The following SLC27A4 variants were observed in gnomAD, a reference collection of about 807,000 sequenced individuals.
SLC27A4 encodes solute carrier family 27 member 4.
SLC27A4 carries 33 observed loss-of-function variants against 64.4 expected under a neutral mutation model. The observed-to-expected ratio is 0.51, with a 90% CI of 0.39 to 0.68. The LOEUF is 0.68. SLC27A4 is among the 30% of genes least tolerant of loss of function. The pLI, the probability that SLC27A4 is intolerant of heterozygous loss-of-function variation, is 0.00. For synonymous variants in SLC27A4, 377 were observed against 370.0 expected (o/e 1.02, Z -0.22); for missense variants, 824 against 883.5 (o/e 0.93, Z 0.85).
rs567257198 is a variant in SLC27A4 at position 128,353,743 on chromosome 9, CTTT to C, written c.1324+214_1324+216del. Among the ~76,000 whole-genome samples the C allele has an allele frequency of 7.1e-6, 1 of 140,942 alleles. No homozygotes were observed. Among genetic ancestry groups the C allele is most frequent in the East Asian group, 2.0e-4 (1 of 4,918 alleles). 92.5% of individuals were successfully genotyped at this position (140,942 alleles called of 152,430 possible). On this transcript the variant is annotated intron_variant, in intron 9 of 12. Transcript: ENST00000300456. This position sits in a 1 kb window ranked among gnomAD's most constrained non-coding sequence, Gnocchi z 4.9. ...CTGTACATCAGTCCATTCATTCATTCTTTTTTTTTTTTTTATTTGAGACGGAGT... is the reference window on the plus strand; with the variant it reads ...CTGTACATCAGTCCATTCATTCATTCTTTTTTTTTTTATTTGAGACGGAGT...
chr9:128,360,398 C>T lies in SLC27A4; in HGVS notation c.1839C>T (p.Asp613=). The T allele has an allele frequency of 6.2e-7, 1 of 1,614,180 alleles. No homozygotes were observed. Among genetic ancestry groups the T allele is most frequent in the Non-Finnish European group, 8.5e-7 (1 of 1,180,030 alleles). ...GCTTTGACCCGGCTATTGTGAAAGA[C>T]CCGCTGTTCTATCTAGATGCCCAGA... ...KEGFDPAIVK[D]PLFYLDAQKG... is the part of the protein sequence containing the mutation. The change falls in exon 13 of 13, where the codon GAC becomes GAT. Residue 613 remains aspartate (D), a synonymous_variant. Coordinates refer to ENST00000300456, the MANE Select transcript of SLC27A4 (RefSeq NM_005094.4).
Position 128,355,666 on chromosome 9 carries a change from CG to C in SLC27A4, c.1646del (p.Gly549GlufsTer63), listed in dbSNP as rs750320778. 6.2e-7 allele frequency: 1 copy of C among 1,611,502 alleles called. No homozygotes were observed. Among genetic ancestry groups the C allele is most frequent in the African/African-American group, 1.3e-5 (1 of 74,920 alleles). ...VEVPGTEGRA[G>X]MAAVASPTGN... Reference sequence around the variant, plus strand: ...CACCCCCAGGAACCGAGGGCCGGGCCGGAATGGCTGCTGTGGCCAGCCCCAC... The same window carrying C: ...CACCCCCAGGAACCGAGGGCCGGGCCGAATGGCTGCTGTGGCCAGCCCCAC... On this transcript the variant is annotated frameshift_variant, in exon 12 of 13. Coordinates refer to ENST00000300456, the MANE Select transcript of SLC27A4 (RefSeq NM_005094.4). LOFTEE classifies it high-confidence loss of function.
chr9:128,348,451 A>T, intron 3 of SLC27A4, 94 bp from the exon 4 acceptor site: 1 of 1,496,348 alleles, frequency 6.7e-7, no homozygotes, highest in Non-Finnish European at 9.2e-7. Context: ...CCCAGCCAGT[A>T]TCCTCAGCAA....
rs201550199 is a variant in SLC27A4, at chr9:128,355,389, C to G, written c.1463-9C>G. 16 of 1,613,524 alleles carry G rather than the reference C, an allele frequency of 9.9e-6. No individual in the cohort carries two copies. The East Asian group carries it at 2.9e-4, about 29-fold the overall frequency. On this transcript the variant is annotated splice_polypyrimidine_tract_variant and intron_variant, in intron 10 of 12. Coordinates refer to ENST00000300456, the MANE Select transcript of SLC27A4 (RefSeq NM_005094.4). ...AGGCCCAGCCCTGCCTCATCCGGCC[C>G]CTCCCTAGGTGATGTGCTGGTGATG...
rs1832754461 is a variant in SLC27A4 at position 128,352,671 on chromosome 9, A to G, written c.911A>G (p.His304Arg). 1 of 1,614,092 alleles carries G rather than the reference A, an allele frequency of 6.2e-7. No homozygotes were observed. The change falls in exon 7 of 13, where the codon CAT (histidine) becomes CGT (arginine). Residue 304 changes from histidine (H) to arginine (R), a missense_variant. By Grantham distance (29) the His-to-Arg change is conservative. Coordinates refer to ENST00000300456, the MANE Select transcript of SLC27A4 (RefSeq NM_005094.4). ...GTGGGAATCGGCCAGTGCCTGCTGC[A>G]TGGCATGACGGTGGTGATTCGGAAG... ...NIVGIGQCLL[H>R]GMTVVIRKKF...
chr9:128,343,702 A>G (rs1023620796), intron 2 of SLC27A4, among the ~76,000 whole-genome samples: 1 of 152,218 alleles, frequency 6.6e-6, no homozygotes, highest in African/African-American at 2.4e-5. Context: ...TCTAGAGCAG[A>G]GCCCCTACTC....
At position 128,340,583 on chromosome 9, in the gene SLC27A4, G is replaced by A. The variant is rs1832553267; in HGVS notation, c.-262G>A. The A allele has an allele frequency of 8.5e-6, 2 of 234,718 alleles. No individual in the cohort carries two copies. Among genetic ancestry groups the A allele is most frequent in the Non-Finnish European group, 1.6e-5 (2 of 122,946 alleles). The allele number at this position is 234,718 out of a possible 1,614,324, so 14.5% of individuals were successfully genotyped here. On this transcript the variant is annotated 5_prime_UTR_variant, in exon 1 of 13. Coordinates refer to ENST00000300456, the MANE Select transcript of SLC27A4 (RefSeq NM_005094.4). ...TCTGTGGCTTGCCGGCTTCGGGGAA[G>A]GTGCGGCAGGCGGTGCTGCGGCCTG... is the stretch of plus-strand genomic sequence containing the variant.
chr9:128,346,790 A>G (rs1832663942), intron 3 of SLC27A4, among the ~76,000 whole-genome samples: 2 of 151,460 alleles, frequency 1.3e-5, no homozygotes, highest in Non-Finnish European at 2.9e-5. Flanking sequence ...CTTTGAGATC[A>G]GGAGTTTGAG....
chr9:128,350,026 T>C (rs946343641), intron 4 of SLC27A4, among the ~76,000 whole-genome samples: 2 of 152,374 alleles, frequency 1.3e-5, no homozygotes, highest in Middle Eastern at 3.4e-3. Flanking sequence ...CTCATCTGAC[T>C]GTTCCACTGA....
Position 128,355,044 on chromosome 9 carries a change from C to T in SLC27A4, c.1325-9C>T. 6.2e-7 allele frequency: 1 copy of T among 1,609,658 alleles called. No individual in the cohort carries two copies. The highest frequency in any genetic ancestry group is 8.5e-7 in the Non-Finnish European group (1 of 1,178,338). On this transcript the variant is annotated splice_polypyrimidine_tract_variant and intron_variant, in intron 9 of 12. Transcript: ENST00000300456. ...TAGGGCAGATCTGACCCTGCCTTCC[C>T]CACCCCAGGTGAGCCGGGCCAGCTG...
rs1409817098 is a variant in SLC27A4, at chr9:128,353,928, A to T, written c.1324+387A>T. Among the ~76,000 whole-genome samples the T allele has an allele frequency of 6.7e-6, 1 of 149,928 alleles. No homozygotes were observed. The highest frequency in any genetic ancestry group is 1.9e-4 in the East Asian group (1 of 5,132). ...CCGGCTAATTTTTTGTATTTTTAGTAGAGACGGGGTTTCACCGTTTTAGCC... is the reference window on the plus strand; with the variant it reads ...CCGGCTAATTTTTTGTATTTTTAGTTGAGACGGGGTTTCACCGTTTTAGCC... On this transcript the variant is annotated intron_variant, in intron 9 of 12. Coordinates refer to ENST00000300456, the MANE Select transcript of SLC27A4 (RefSeq NM_005094.4). This position sits in a 1 kb window ranked among gnomAD's most constrained non-coding sequence, Gnocchi z 4.9.
intron 12 of SLC27A4, 134 bp from the exon 13 acceptor site, chr9:128,360,200 G>A: frequency 9.9e-7 from 1 of 1,012,280 alleles, no homozygotes; most frequent in Non-Finnish European, 1.6e-6. Flanking sequence ...ACTGTAAAGG[G>A]CTGTGCCTCC....
chr9:128,358,600 C>G (rs1298219971), intron 12 of SLC27A4, among the ~76,000 whole-genome samples: 1 of 152,194 alleles, frequency 6.6e-6, no homozygotes, highest in Non-Finnish European at 1.5e-5. Flanking sequence ...CGTGCCACCA[C>G]ACCTGGCTAA....
intron 12 of SLC27A4, among the ~76,000 whole-genome samples, chr9:128,358,080 C>G (rs1215030823): frequency 1.3e-5 from 2 of 152,168 alleles, no homozygotes; most frequent in Non-Finnish European, 2.9e-5. Context: ...CTTACTTGCC[C>G]CAAAATGGCT....
In SLC27A4 at chr9:128,343,136, C is replaced by T; in HGVS notation, c.4C>T (p.Leu2=). 1 of 1,613,614 alleles carries T rather than the reference C, an allele frequency of 6.2e-7. No homozygotes were observed. Among genetic ancestry groups the T allele is most frequent in the Non-Finnish European group, 8.5e-7 (1 of 1,179,920 alleles). M[L]LGASLVGVLL... is the part of the protein sequence containing the mutation. ...TGCCCTGTGTCCGCAGGCCACAATG[C>T]TGCTTGGAGCCTCTCTGGTGGGGGT... is the stretch of plus-strand genomic sequence containing the variant. Residue 2 remains leucine (L), a synonymous_variant, in exon 2 of 13, where the codon CTG becomes TTG. Coordinates refer to ENST00000300456, the MANE Select transcript of SLC27A4 (RefSeq NM_005094.4).
Position 128,355,514 on chromosome 9 carries a change from C to T in SLC27A4, c.1579C>T (p.Arg527Cys), listed in dbSNP as rs373143772. 2.9e-5 allele frequency: 47 copies of T among 1,613,068 alleles called. No homozygotes were observed. Among genetic ancestry groups the T allele is most frequent in the East Asian group, 6.7e-5 (3 of 44,896 alleles). Reference protein sequence around the residue: ...STTEVEGTLSRLLDMADVAVY... With the variant: ...STTEVEGTLSCLLDMADVAVY... ...CACCGAGGTGGAAGGCACACTCAGC[C>T]GCCTGCTGGACATGGCTGACGTGGC... Residue 527 changes from arginine (R) to cysteine (C), a missense_variant, in exon 11 of 13, where the codon CGC (arginine) becomes TGC (cysteine). Physicochemically the swap from Arg to Cys is radical, Grantham distance 180. Coordinates refer to ENST00000300456, the MANE Select transcript of SLC27A4 (RefSeq NM_005094.4).
At chr9:128,349,372 C>T (rs1220428358) in intron 4 of SLC27A4, among the ~76,000 whole-genome samples, 1 of 152,152 alleles carries the variant, frequency 6.6e-6, no homozygotes, top group Non-Finnish European at 1.5e-5. Context: ...CCCTTGGAGC[C>T]TCAGTTCCCA....
In SLC27A4 at chr9:128,353,994, C is replaced by T. The variant is rs887353799; in HGVS notation, c.1324+453C>T. ...TCCTGACCTCGTGATCCGCCCGCCT[C>T]GGCCTCCCAAAGTGCTGGGATTACA... On this transcript the variant is annotated intron_variant, in intron 9 of 12. Transcript: ENST00000300456. This position sits in a 1 kb window ranked among gnomAD's most constrained non-coding sequence, Gnocchi z 4.9. Among the ~76,000 whole-genome samples the T allele has an allele frequency of 2.0e-5, 3 of 151,750 alleles. No homozygotes were observed. Among genetic ancestry groups the T allele is most frequent in the Admixed American group, 6.6e-5 (1 of 15,242 alleles).
intron 12 of SLC27A4, among the ~76,000 whole-genome samples, chr9:128,360,066 C>G (rs577891988): frequency 6.6e-6 from 1 of 152,340 alleles, no homozygotes; most frequent in African/African-American, 2.4e-5. Context: ...GCATGTGACA[C>G]TAGGCAAATA....
Sources: allele counts gnomAD v4.1 joint callset (sites outside exome capture counted in the v4.1 genomes callset), GRCh38; gene constraint gnomAD v4.1.1; non-coding constraint Gnocchi (gnomAD v3.1); transcripts MANE v1.5; gene names NCBI Gene and HGNC (gene_info 2026-07-23, HGNC 2026-07-21).